Variants in NEGR1 observed in about 807,000 individuals in gnomAD.
NEGR1 encodes IgLON family member 4.
Under a neutral mutation model 40.9 loss-of-function variants are expected in NEGR1, and 10 were observed. The ratio of observed to expected loss-of-function variants is 0.24; its 90% CI spans 0.15 to 0.42. The LOEUF (loss-of-function observed/expected upper bound fraction) is 0.42, where lower values mean the gene tolerates loss of function less well. Among genes scored for constraint, NEGR1 ranks in the 10% least tolerant of loss-of-function variants. NEGR1 has a pLI of 1.00. For synonymous variants in NEGR1, 185 were observed against 166.8 expected (o/e 1.11, Z -0.84); for missense variants, 352 against 438.9 (o/e 0.80, Z 1.77).
intron 6 of NEGR1, among the ~76,000 whole-genome samples, chr1:71,428,052 G>T (rs527286504): frequency 5.3e-5 from 8 of 152,112 alleles, no homozygotes; most frequent in African/African-American, 1.9e-4. Flanking sequence ...CTTATGCATA[G>T]CAACATTTAG....
chr1:72,078,646 T>TTTA (rs1553137509), intron 1 of NEGR1, among the ~76,000 whole-genome samples: 2 of 134,452 alleles, frequency 1.5e-5, no homozygotes, highest in African/African-American at 5.7e-5. Context: ...TATTTATTTA[T>TTTA]TTTTTTTTTT....
intron 2 of NEGR1, among the ~76,000 whole-genome samples, chr1:71,894,518 G>T (rs567138587): frequency 3.2e-3 from 484 of 152,166 alleles, no homozygotes; most frequent in African/African-American, 0.011. Context: ...TGAGATACAT[G>T]TGTTATTTTC....
chr1:72,262,211 A>C (rs903451602), intron 1 of NEGR1, among the ~76,000 whole-genome samples: 1 of 152,002 alleles, frequency 6.6e-6, no homozygotes, highest in Non-Finnish European at 1.5e-5. Context: ...TATTTCCCTT[A>C]CTTACATAAG....
chr1:72,035,355 A>T (rs1557494190), intron 1 of NEGR1, among the ~76,000 whole-genome samples: 8 of 152,180 alleles, frequency 5.3e-5, no homozygotes, highest in Admixed American at 3.3e-4. Context: ...GAACCAGGGC[A>T]TATACCTGAG....
chr1:71,957,274 A>G (rs1016600562), intron 1 of NEGR1, among the ~76,000 whole-genome samples: 1 of 152,154 alleles, frequency 6.6e-6, no homozygotes, highest in Non-Finnish European at 1.5e-5. Context: ...ACTAAATGCC[A>G]GTAGCTACAG....
intron 4 of NEGR1, among the ~76,000 whole-genome samples, chr1:71,674,810 G>C (rs961929425): frequency 2.6e-5 from 4 of 151,926 alleles, no homozygotes; most frequent in Admixed American, 6.6e-5. Flanking sequence ...ATGTAAAATA[G>C]AGTTTCTGTA....
chr1:71,965,480 T>C (rs562891165), intron 1 of NEGR1, among the ~76,000 whole-genome samples: 17 of 152,308 alleles, frequency 1.1e-4, no homozygotes, highest in Admixed American at 6.5e-4. Flanking sequence ...ATTTGTGTAA[T>C]GCAGTGGCCC....
intron 1 of NEGR1, among the ~76,000 whole-genome samples, chr1:71,971,799 T>C (rs1002542101): frequency 2.6e-5 from 4 of 152,204 alleles, no homozygotes; most frequent in South Asian, 2.1e-4. Context: ...GAAAAATTCA[T>C]AGTCTGCTCT....
At chr1:71,578,537 CA>C (rs1649033150) in intron 6 of NEGR1, among the ~76,000 whole-genome samples, 1 of 152,032 alleles carries the variant, frequency 6.6e-6, no homozygotes, top group South Asian at 2.1e-4. Context: ...AGGTGTTATA[CA>C]TCTATATAGA....
chr1:72,205,007 A>C (rs528871875), intron 1 of NEGR1, among the ~76,000 whole-genome samples: 2 of 152,110 alleles, frequency 1.3e-5, no homozygotes, highest in African/African-American at 2.4e-5. Flanking sequence ...AGCAAACATG[A>C]AACTTTACTG....
At chr1:72,272,635 T>C (rs1259285285) in intron 1 of NEGR1, among the ~76,000 whole-genome samples, 2 of 151,968 alleles carry the variant, frequency 1.3e-5, no homozygotes, top group Admixed American at 1.3e-4. Flanking sequence ...CTGAAGACAA[T>C]GGAACACATA....
chr1:71,924,561 A>C (rs1383458132), intron 2 of NEGR1, among the ~76,000 whole-genome samples: 1 of 152,174 alleles, frequency 6.6e-6, no homozygotes, highest in Non-Finnish European at 1.5e-5. Flanking sequence ...TCAAAACCTA[A>C]AAGAATGAGC....
At chr1:72,206,258 T>G (rs1240936763) in intron 1 of NEGR1, among the ~76,000 whole-genome samples, 1 of 152,012 alleles carries the variant, frequency 6.6e-6, no homozygotes, top group African/African-American at 2.4e-5. Context: ...TATTACCAGA[T>G]GATTATATTT....
chr1:71,565,532 A>T (rs1239707421), intron 6 of NEGR1, among the ~76,000 whole-genome samples: 1 of 152,150 alleles, frequency 6.6e-6, no homozygotes, highest in East Asian at 1.9e-4. Flanking sequence ...TTTCCTCATC[A>T]AGAACTCAGG....
chr1:71,715,059 A>T (rs566034637), intron 3 of NEGR1, among the ~76,000 whole-genome samples: 100 of 152,344 alleles, frequency 6.6e-4, no homozygotes, highest in Non-Finnish European at 9.1e-4. Flanking sequence ...ATCCTCTGAA[A>T]TCTAGGCAGA....
chr1:72,263,171 T>C (rs953345444), intron 1 of NEGR1, among the ~76,000 whole-genome samples: 3 of 151,692 alleles, frequency 2.0e-5, no homozygotes, highest in Admixed American at 6.6e-5. Context: ...AAATAGTTAT[T>C]TTTAAAAATT....
intron 2 of NEGR1, among the ~76,000 whole-genome samples, chr1:71,880,400 G>A (rs551245550): frequency 6.6e-6 from 1 of 152,006 alleles, no homozygotes; most frequent in South Asian, 2.1e-4. Flanking sequence ...AAATTTTGAT[G>A]CCCCCAATTA....
At chr1:71,967,695 G>A (rs1397620982) in intron 1 of NEGR1, among the ~76,000 whole-genome samples, 2 of 151,890 alleles carry the variant, frequency 1.3e-5, no homozygotes, top group East Asian at 3.9e-4. Context: ...TGCATCCAGG[G>A]GATAATACTG....
At chr1:72,001,880 C>T (rs1646560529) in intron 1 of NEGR1, among the ~76,000 whole-genome samples, 1 of 151,884 alleles carries the variant, frequency 6.6e-6, no homozygotes, top group South Asian at 2.1e-4. Context: ...ATCAAGAAAA[C>T]TATCCTCTTG....
Sources: allele counts gnomAD v4.1 joint callset (sites outside exome capture counted in the v4.1 genomes callset), GRCh38; gene constraint gnomAD v4.1.1; transcripts MANE v1.5; gene names NCBI Gene and HGNC (gene_info 2026-07-23, HGNC 2026-07-21).